Variants in MGAT4C observed in about 807,000 individuals in gnomAD.
MGAT4C encodes MGAT4 family member C, also known as alpha-1,3-mannosyl-glycoprotein 4-beta-N-acetylglucosaminyltransferase C.
MGAT4C carries 19 observed loss-of-function variants against 40.1 expected under a neutral mutation model. That is an observed-to-expected ratio of 0.47 (90% confidence interval 0.33 to 0.70). MGAT4C has a LOEUF of 0.70. MGAT4C is among the 30% of genes least tolerant of loss of function. The probability of loss-of-function intolerance (pLI) is 0.02; values close to 1 mark genes in which losing one functional copy is unlikely to be tolerated. For missense variants in MGAT4C, 491 were observed against 563.2 expected, an observed-to-expected ratio of 0.87 and a Z score of 1.30; for synonymous variants, 181 against 187.1, an observed-to-expected ratio of 0.97 and a Z score of 0.27.
chr12:86,027,437 A>T (rs2136889973), intron 2 of MGAT4C, among the ~76,000 whole-genome samples: 1 of 152,032 alleles, frequency 6.6e-6, no homozygotes, highest in South Asian at 2.1e-4. Flanking sequence ...ATGTTTAATT[A>T]CTTAGATCAA....
chr12:86,423,824 A>C (rs955930319), intron 3 of MGAT4C, among the ~76,000 whole-genome samples: 10 of 152,212 alleles, frequency 6.6e-5, no homozygotes, highest in Non-Finnish European at 1.5e-4. Context: ...CTTGCCTAAT[A>C]ATGAGAAAGT....
chr12:86,506,345 A>C (rs923382791), intron 2 of MGAT4C, among the ~76,000 whole-genome samples: 3 of 152,202 alleles, frequency 2.0e-5, no homozygotes, highest in Admixed American at 6.5e-5. Context: ...GTAAATAAAT[A>C]AACAAATATA....
chr12:86,427,598 G>A (rs1956954567), intron 3 of MGAT4C, among the ~76,000 whole-genome samples: 1 of 151,950 alleles, frequency 6.6e-6, no homozygotes, highest in Non-Finnish European at 1.5e-5. Flanking sequence ...ATCCTTAGTA[G>A]TCACATTCTT....
intron 2 of MGAT4C, among the ~76,000 whole-genome samples, chr12:85,992,651 A>T (rs1886089922): frequency 6.6e-6 from 1 of 152,276 alleles, no homozygotes; most frequent in Admixed American, 6.5e-5. Context: ...GTGTGTTGGT[A>T]TCTGTACATA....
intron 1 of MGAT4C, among the ~76,000 whole-genome samples, chr12:86,071,291 A>C (rs1017481913): frequency 4.6e-5 from 7 of 152,092 alleles, no homozygotes; most frequent in Non-Finnish European, 1.0e-4. Flanking sequence ...TGAAGGAAAA[A>C]ATAAATCTGA....
At chr12:86,634,119 A>G (rs2136510387) in intron 2 of MGAT4C, among the ~76,000 whole-genome samples, 1 of 152,226 alleles carries the variant, frequency 6.6e-6, no homozygotes, top group African/African-American at 2.4e-5. Context: ...GAAATTTAGA[A>G]AATAATTCAC....
chr12:86,105,487 T>C (rs937223121), intron 1 of MGAT4C, among the ~76,000 whole-genome samples: 2 of 152,154 alleles, frequency 1.3e-5, no homozygotes, highest in African/African-American at 4.8e-5. Flanking sequence ...AATTTTTATC[T>C]CAAATAACCT....
At chr12:86,489,869 G>A (rs1592909750) in intron 2 of MGAT4C, among the ~76,000 whole-genome samples, 2 of 152,288 alleles carry the variant, frequency 1.3e-5, no homozygotes, top group Non-Finnish European at 2.9e-5. Context: ...GGGAAGTTTA[G>A]AGAAAAAAGA....
chr12:86,769,591 A>T (rs1951590249), intron 1 of MGAT4C, among the ~76,000 whole-genome samples: 1 of 152,204 alleles, frequency 6.6e-6, no homozygotes, highest in Non-Finnish European at 1.5e-5. Context: ...CACTATTCAC[A>T]ATAGCAAAGA....
chr12:86,063,377 C>T (rs577660190), intron 1 of MGAT4C, among the ~76,000 whole-genome samples: 8 of 151,942 alleles, frequency 5.3e-5, no homozygotes, highest in African/African-American at 9.7e-5. Context: ...GAAGGAAGCA[C>T]GAAACATGGA....
At chr12:86,401,998 C>T (rs1167916660) in intron 3 of MGAT4C, among the ~76,000 whole-genome samples, 1 of 151,968 alleles carries the variant, frequency 6.6e-6, no homozygotes, top group Non-Finnish European at 1.5e-5. Context: ...TGTAAAACTG[C>T]ATGTCCTGTA....
chr12:86,175,753 C>T (rs1887344166), intron 1 of MGAT4C, among the ~76,000 whole-genome samples: 1 of 134,980 alleles, frequency 7.4e-6, no homozygotes, highest in Non-Finnish European at 1.5e-5. Flanking sequence ...AGATTGAGAC[C>T]ATCCTGGCTA....
intron 2 of MGAT4C, among the ~76,000 whole-genome samples, chr12:86,472,871 C>T (rs1483629380): frequency 6.6e-6 from 1 of 152,010 alleles, no homozygotes; most frequent in Non-Finnish European, 1.5e-5. Context: ...AGATCTTTCA[C>T]AGGAAGAATG....
intron 2 of MGAT4C, among the ~76,000 whole-genome samples, 180 bp downstream of exon 2, chr12:86,049,494 G>C (rs1417782123): frequency 1.3e-5 from 2 of 152,000 alleles, no homozygotes; most frequent in Non-Finnish European, 2.9e-5. Flanking sequence ...AAGAAATGTT[G>C]TTAAGAGTTT....
chr12:86,588,959 C>G (rs1961194614), intron 2 of MGAT4C, among the ~76,000 whole-genome samples: 1 of 150,596 alleles, frequency 6.6e-6, no homozygotes, highest in South Asian at 2.1e-4. Flanking sequence ...AGAAAAGATC[C>G]AAAATTGACA....
chr12:86,243,904 T>G (rs1951905399), intron 1 of MGAT4C, among the ~76,000 whole-genome samples: 1 of 152,172 alleles, frequency 6.6e-6, no homozygotes. Flanking sequence ...TGGTAACTTG[T>G]TACACAGCAA....
intron 2 of MGAT4C, among the ~76,000 whole-genome samples, chr12:86,572,611 G>A (rs1317925826): frequency 1.3e-5 from 2 of 152,034 alleles, no homozygotes; most frequent in Admixed American, 6.6e-5. Flanking sequence ...CTCTAAATGT[G>A]TCCTGCTGTT....
At chr12:86,077,158 C>A (rs12299416) in intron 1 of MGAT4C, among the ~76,000 whole-genome samples, 3,680 of 152,218 alleles carry the variant, frequency 0.024, 54 homozygotes, top group African/African-American at 0.038. Flanking sequence ...AACTTTGTAT[C>A]CTTCTGTCCA....
At position 86,760,485 on chromosome 12, in the gene MGAT4C, C is replaced by T. The variant is rs79167252; in HGVS notation, c.-261-33244G>A. Reference sequence around the variant, plus strand: ...AATGCAGAACTGTTACAGGCTTCCACTTCATTCAAGATGGAGTAAAAAATG... The same window carrying T: ...AATGCAGAACTGTTACAGGCTTCCATTTCATTCAAGATGGAGTAAAAAATG... On this transcript the variant is annotated intron_variant, in intron 1 of 7. Coordinates refer to the MGAT4C transcript ENST00000548651. Among the ~76,000 whole-genome samples the T allele has an allele frequency of 3.4e-3, 518 of 152,084 alleles. 2 individuals are homozygous for T. Among genetic ancestry groups the T allele is most frequent in the African/African-American group, 0.012 (496 of 41,512 alleles).
Sources: allele counts gnomAD v4.1 joint callset (sites outside exome capture counted in the v4.1 genomes callset), GRCh38; gene constraint gnomAD v4.1.1; transcripts MANE v1.5; gene names NCBI Gene and HGNC (gene_info 2026-07-23, HGNC 2026-07-21).